The following LIMCH1 variants were observed in gnomAD, a reference collection of about 807,000 sequenced individuals.
LIMCH1 encodes the protein LIM and calponin homology domains-containing protein 1.
Under a neutral mutation model 176.5 loss-of-function variants are expected in LIMCH1, and 113 were observed. That is an observed-to-expected ratio of 0.64 (90% CI 0.55 to 0.75). The LOEUF (loss-of-function observed/expected upper bound fraction) is 0.75, where lower values mean the gene tolerates loss of function less well. LIMCH1 is among the 30% of genes least tolerant of loss of function. LIMCH1 has a pLI of 0.00. For missense variants in LIMCH1, 1,674 were observed against 1,814.9 expected, an observed-to-expected ratio of 0.92 and a Z score of 1.41; for synonymous variants, 619 against 645.9, an observed-to-expected ratio of 0.96 and a Z score of 0.63.
At chr4:41,363,963 A>T (rs1384160643) in intron 1 of LIMCH1, among the ~76,000 whole-genome samples, 4 of 152,204 alleles carry the variant, frequency 2.6e-5, no homozygotes, top group Non-Finnish European at 5.9e-5. Flanking sequence ...GGCCTTACTA[A>T]GCAGAACACA....
intron 2 of LIMCH1, among the ~76,000 whole-genome samples, chr4:41,496,497 G>C (rs540224214): frequency 4.6e-5 from 7 of 152,132 alleles, no homozygotes; most frequent in Admixed American, 3.9e-4. Context: ...GAGAAAGCTG[G>C]GTCAGGAGCC....
intron 1 of LIMCH1, among the ~76,000 whole-genome samples, chr4:41,419,987 A>T (rs2060472275): frequency 6.6e-6 from 1 of 152,168 alleles, no homozygotes; most frequent in African/African-American, 2.4e-5. Context: ...AACTTCAGAA[A>T]TATTAAGTGC....
chr4:41,597,958 T>C (rs1344094595), intron 1 of LIMCH1, among the ~76,000 whole-genome samples: 2 of 152,224 alleles, frequency 1.3e-5, no homozygotes, highest in African/African-American at 4.8e-5. Flanking sequence ...CGTGATTCTG[T>C]AATCACCACC....
intron 1 of LIMCH1, among the ~76,000 whole-genome samples, chr4:41,487,833 T>C (rs1460290409): frequency 6.6e-6 from 1 of 151,702 alleles, no homozygotes; most frequent in Non-Finnish European, 1.5e-5. Context: ...TTTGTATTTT[T>C]AGTAGAGACG....
At chr4:41,387,517 C>G (rs1050749212) in intron 1 of LIMCH1, among the ~76,000 whole-genome samples, 1 of 152,162 alleles carries the variant, frequency 6.6e-6, no homozygotes, top group Admixed American at 6.5e-5. Flanking sequence ...TCTTAAATAA[C>G]AGGACTGAAC....
At chr4:41,633,210 GT>G (rs2093417408) in intron 12 of LIMCH1, 125 bp downstream of exon 12, 2 of 690,454 alleles carry the variant, frequency 2.9e-6, no homozygotes, top group Non-Finnish European at 4.8e-6. Flanking sequence ...GTGGAGTAAA[GT>G]CACTAAAAGA....
intron 2 of LIMCH1, among the ~76,000 whole-genome samples, chr4:41,513,704 G>A (rs143884039): frequency 9.6e-4 from 146 of 152,178 alleles, no homozygotes; most frequent in African/African-American, 3.3e-3. Flanking sequence ...CTGAGAGAAT[G>A]ATTCATATAT....
rs1290254186 is a variant in LIMCH1, at chr4:41,412,052, C to T, written c.96+51116C>T. Among the ~76,000 whole-genome samples the T allele has an allele frequency of 2.0e-5, 3 of 148,714 alleles. No individual in the cohort carries two copies. In the East Asian group the frequency reaches 5.9e-4, roughly 29 times the overall value. ...ACAGAGAATGTGCATTTTTAAAAACCAGCCTCATTAGCAGAGATTATTAGC... is the reference window on the plus strand; with the variant it reads ...ACAGAGAATGTGCATTTTTAAAAACTAGCCTCATTAGCAGAGATTATTAGC... On this transcript the variant is annotated intron_variant, in intron 1 of 26. Coordinates refer to the LIMCH1 transcript ENST00000313860.
At chr4:41,621,769 G>C (rs1431350490) in intron 7 of LIMCH1, among the ~76,000 whole-genome samples, 1 of 152,128 alleles carries the variant, frequency 6.6e-6, no homozygotes, top group Non-Finnish European at 1.5e-5. Flanking sequence ...AGTGGGAGCT[G>C]AGGATCGTTG....
chr4:41,404,181 G>C (rs1413051059), intron 1 of LIMCH1, among the ~76,000 whole-genome samples: 2 of 152,156 alleles, frequency 1.3e-5, no homozygotes, highest in Non-Finnish European at 2.9e-5. Flanking sequence ...TACCCAGACT[G>C]ACAGAGACTT....
At chr4:41,422,477 C>T (rs1217892091) in intron 1 of LIMCH1, among the ~76,000 whole-genome samples, 3 of 151,942 alleles carry the variant, frequency 2.0e-5, no homozygotes, top group East Asian at 3.9e-4. Context: ...TGTGAGCCAC[C>T]GTGCCAGGCC....
intron 3 of LIMCH1, among the ~76,000 whole-genome samples, chr4:41,604,440 A>T (rs2090407158): frequency 6.6e-6 from 1 of 152,190 alleles, no homozygotes; most frequent in Admixed American, 6.5e-5. Flanking sequence ...TTTTCAGTTT[A>T]GATTGAGGAA....
intron 1 of LIMCH1, among the ~76,000 whole-genome samples, chr4:41,472,354 C>T (rs2067098759): frequency 6.7e-6 from 1 of 148,552 alleles, no homozygotes; most frequent in East Asian, 2.1e-4. Context: ...CCCTCCCTGC[C>T]CCTCCCTTCC....
chr4:41,574,674 G>A (rs989383867), intron 1 of LIMCH1, among the ~76,000 whole-genome samples: 13 of 152,222 alleles, frequency 8.5e-5, no homozygotes, highest in Admixed American at 7.8e-4. Flanking sequence ...CCCTGTCATT[G>A]TTTTAATGTG....
At chr4:41,446,940 A>G (rs7679031) in intron 1 of LIMCH1, among the ~76,000 whole-genome samples, 22,130 of 152,132 alleles carry the variant, frequency 0.15, 1,868 homozygotes, top group South Asian at 0.22. Flanking sequence ...AATTTATTCA[A>G]TGGGCCAGGT....
chr4:41,687,442 A>T (rs1057167), intron 28 of LIMCH1, among the ~76,000 whole-genome samples: 17,548 of 152,122 alleles, frequency 0.12, 1,356 homozygotes, highest in Middle Eastern at 0.26. Context: ...ATCCCTCCTC[A>T]TCTTTCCCCT....
intron 22 of LIMCH1, 90 bp from the exon 23 acceptor site, chr4:41,676,292 C>G (rs990412101): frequency 1.1e-6 from 1 of 932,064 alleles, no homozygotes. Flanking sequence ...AATCTGGGTG[C>G]CAGGCCAGAG....
chr4:41,524,371 T>G, intron 2 of LIMCH1: 1 of 1,530,984 alleles, frequency 6.5e-7, no homozygotes, highest in Non-Finnish European at 9.1e-7. Context: ...TCCATCTTGC[T>G]TTATGTCTCA....
chr4:41,471,194 G>A (rs549885549), intron 1 of LIMCH1, among the ~76,000 whole-genome samples: 3 of 152,126 alleles, frequency 2.0e-5, no homozygotes, highest in Non-Finnish European at 4.4e-5. Flanking sequence ...TTGAGCTATC[G>A]TGTTAGCTTT....
Sources: gnomAD v4.1 joint callset for allele counts (sites outside exome capture counted in the v4.1 genomes callset) on GRCh38, gnomAD v4.1.1 for gene constraint, MANE v1.5 for transcripts, NCBI Gene and HGNC (gene_info 2026-07-23, HGNC 2026-07-21) for gene names.